PAK1: variants seen among roughly 807,000 people sequenced by gnomAD.
The protein encoded by PAK1 is p21 (RAC1) activated kinase 1.
Under a neutral mutation model 67.4 loss-of-function variants are expected in PAK1, and 29 were observed. That is an observed-to-expected ratio of 0.43 (90% CI 0.32 to 0.59). The LOEUF (loss-of-function observed/expected upper bound fraction) is 0.59. Ranked by LOEUF, PAK1 falls within the 20% of genes least tolerant of loss-of-function variation. The probability of loss-of-function intolerance (pLI) is 0.07; values close to 1 mark genes in which losing one functional copy is unlikely to be tolerated. For synonymous variants in PAK1, 223 were observed against 237.4 expected, an observed-to-expected ratio of 0.94 and a Z score of 0.56; for missense variants, 337 against 670.7, an observed-to-expected ratio of 0.50 and a Z score of 5.50.
intron 1 of PAK1, among the ~76,000 whole-genome samples, chr11:77,405,727 A>C (rs910793859): frequency 7.4e-5 from 11 of 149,144 alleles, no homozygotes; most frequent in African/African-American, 2.8e-4. Context: ...TTCCCTTGAC[A>C]CCCACATCCT....
chr11:77,346,974 A>G lies in PAK1; in HGVS notation c.885+2265T>C, dbSNP rs572715109. On this transcript the variant is annotated intron_variant, in intron 9 of 14. Transcript: ENST00000356341. ...ACTTCCCAGCACTAACATTCTTCCTATATGTGAGACACTAGGTCTGCCCTT... is the reference window on the plus strand; with the variant it reads ...ACTTCCCAGCACTAACATTCTTCCTGTATGTGAGACACTAGGTCTGCCCTT... 8 of 454,710 alleles carry G rather than the reference A, an allele frequency of 1.8e-5. No homozygotes were observed. In the Admixed American group the frequency reaches 1.9e-4, roughly 11 times the overall value. The allele number at this position is 454,710 out of a possible 1,614,324, so 28.2% of individuals were successfully genotyped here.
chr11:77,414,014 G>T (rs1954814768), intron 1 of PAK1, among the ~76,000 whole-genome samples: 1 of 152,156 alleles, frequency 6.6e-6, no homozygotes, highest in Non-Finnish European at 1.5e-5. Flanking sequence ...ATACATGCAG[G>T]AATGAGGAGC....
rs1191932175 is a variant in PAK1 at position 77,379,085 on chromosome 11, C to G, written c.439+156G>C. 4.7e-6 allele frequency: 3 copies of G among 641,470 alleles called. No individual in the cohort carries two copies. The East Asian group carries it at 8.0e-5, about 17-fold the overall frequency. 39.7% of individuals were successfully genotyped at this position (641,470 alleles called of 1,614,324 possible). A position where few individuals can be genotyped will look rare whatever the true frequency, so the allele number is the denominator to read the frequency against. ...GACTCAAGTTTGATGCAAAGTCCAT[C>G]ATCTTGGCTGTCAAATTCCAAAATT... On this transcript the variant is annotated intron_variant, in intron 4 of 14. Transcript: ENST00000356341.
chr11:77,527,548 T>C, the PAK1 span, among the ~76,000 whole-genome samples: 1 of 152,194 alleles, frequency 6.6e-6, no homozygotes, highest in African/African-American at 2.4e-5. Context: ...GAGAAGTAAC[T>C]TGTCCAAGGT....
rs1951325729 is a variant in PAK1, at chr11:77,392,941, G to A, written c.-21-400C>T. On this transcript the variant is annotated intron_variant, in intron 1 of 14. Coordinates refer to ENST00000356341, the MANE Select transcript of PAK1 (RefSeq NM_002576.5). ...TGAAGATTAAATAAAACTGCTAACA[G>A]CATTCCACATAGTGAGTTCTCTGCC... Among the ~76,000 whole-genome samples, 6 of 152,276 alleles carry A rather than the reference G, an allele frequency of 3.9e-5. No homozygotes were observed. In the South Asian group the frequency reaches 1.2e-3, roughly 32 times the overall value.
At chr11:77,526,146 C>G in the PAK1 span, among the ~76,000 whole-genome samples, 1 of 152,200 alleles carries the variant, frequency 6.6e-6, no homozygotes, top group Non-Finnish European at 1.5e-5. Context: ...GGACAAATAG[C>G]AGGATGGAGC....
At chr11:77,504,787 C>T in the PAK1 span, among the ~76,000 whole-genome samples, 8 of 152,284 alleles carry the variant, frequency 5.3e-5, no homozygotes, top group East Asian at 7.7e-4. Context: ...ATTGCATATA[C>T]GTGCATTGAG....
intron 1 of PAK1, among the ~76,000 whole-genome samples, chr11:77,470,605 G>C (rs1429866316): frequency 6.6e-6 from 1 of 152,130 alleles, no homozygotes; most frequent in African/African-American, 2.4e-5. Flanking sequence ...GAAAGTGAAA[G>C]AAACAAAGCA....
the PAK1 span, among the ~76,000 whole-genome samples, chr11:77,513,341 T>A: frequency 6.6e-6 from 1 of 152,050 alleles, no homozygotes; most frequent in East Asian, 1.9e-4. Flanking sequence ...CTCAAGATAA[T>A]CCTGCAAGTA....
rs67716970 is a variant in PAK1, at chr11:77,394,844, AAAAAC to A, written c.-21-2308_-21-2304del. On this transcript the variant is annotated intron_variant, in intron 1 of 14. Transcript: ENST00000356341. Reference sequence around the variant, plus strand: ...TGGAGACAGAGCAAGACTCTGTCTCAAAAACAAAACAAAACAAAACAAAATACCCT... The same window carrying A: ...TGGAGACAGAGCAAGACTCTGTCTCAAAAACAAAACAAAACAAAATACCCT... Among the ~76,000 whole-genome samples, 6 of 151,972 alleles carry A rather than the reference AAAAAC, an allele frequency of 3.9e-5. No individual in the cohort carries two copies. In the South Asian group the frequency reaches 1.2e-3, roughly 32 times the overall value.
chr11:77,438,295 G>T (rs1371973065), intron 1 of PAK1, among the ~76,000 whole-genome samples: 2 of 152,058 alleles, frequency 1.3e-5, no homozygotes, highest in Non-Finnish European at 2.9e-5. Context: ...ACTATCATGA[G>T]AACAGCACCA....
the PAK1 span, among the ~76,000 whole-genome samples, chr11:77,487,487 C>A: frequency 6.6e-6 from 1 of 151,950 alleles, no homozygotes; most frequent in Non-Finnish European, 1.5e-5. Flanking sequence ...GGGTAGAGCA[C>A]CAAGCAGGCT....
intron 5 of PAK1, among the ~76,000 whole-genome samples, chr11:77,362,380 A>AT: frequency 6.6e-6 from 1 of 152,008 alleles, no homozygotes; most frequent in East Asian, 1.9e-4. Context: ...TTTTAGTTTG[A>AT]TTTTCTTTTT....
At chr11:77,412,186 G>C (rs1266166455) in intron 1 of PAK1, 4 of 152,482 alleles carry the variant, frequency 2.6e-5, no homozygotes, top group Non-Finnish European at 5.9e-5. Context: ...AGTCCTGTGT[G>C]AGCTCCAGAG....
chr11:77,528,992 C>T, the PAK1 span, among the ~76,000 whole-genome samples: 29 of 152,246 alleles, frequency 1.9e-4, no homozygotes, highest in East Asian at 5.2e-3. Flanking sequence ...GGTTGTCAGC[C>T]TCATCTATCT....
chr11:77,338,625 G>C (rs978414143), intron 11 of PAK1, among the ~76,000 whole-genome samples: 2 of 152,134 alleles, frequency 1.3e-5, no homozygotes, highest in African/African-American at 4.8e-5. Flanking sequence ...CCAAGAGAAT[G>C]AGAACATACC....
intron 7 of PAK1, among the ~76,000 whole-genome samples, chr11:77,354,249 A>T (rs900108656): frequency 1.3e-5 from 2 of 152,124 alleles, no homozygotes; most frequent in African/African-American, 4.8e-5. Context: ...AGGGAAGAAG[A>T]TACTTCCCCC....
At chr11:77,383,060 A>G (rs974906540) in intron 2 of PAK1, among the ~76,000 whole-genome samples, 2 of 152,146 alleles carry the variant, frequency 1.3e-5, no homozygotes, top group Non-Finnish European at 2.9e-5. Flanking sequence ...TTCCCTGAGG[A>G]AAGAGGCCCA....
chr11:77,435,774 C>T (rs891998600), intron 1 of PAK1, among the ~76,000 whole-genome samples: 2 of 149,762 alleles, frequency 1.3e-5, no homozygotes, highest in Admixed American at 1.3e-4. Context: ...TCCCAAAGTG[C>T]TGGGATTATA....
Sources: gnomAD v4.1 joint callset for allele counts (sites outside exome capture counted in the v4.1 genomes callset) on GRCh38, gnomAD v4.1.1 for gene constraint, MANE v1.5 for transcripts, NCBI Gene and HGNC (gene_info 2026-07-23, HGNC 2026-07-21) for gene names.